The following RALGPS2 variants were observed in gnomAD, a reference collection of about 807,000 sequenced individuals.
RALGPS2 encodes Ral GEF with PH domain and SH3 binding motif 2.
In RALGPS2, 43 loss-of-function variants were observed where a neutral mutation model predicts 86.8. The observed-to-expected ratio is 0.50, with a 90% CI of 0.39 to 0.64. RALGPS2 has a LOEUF of 0.64. Ranked by LOEUF, RALGPS2 falls within the 30% of genes least tolerant of loss-of-function variation. RALGPS2 has a pLI of 0.00. For missense variants in RALGPS2, 536 were observed against 694.6 expected (o/e 0.77, Z 2.57); for synonymous variants, 243 against 231.3 (o/e 1.05, Z -0.46).
At chr1:178,799,793 C>T (rs80190189) in intron 4 of RALGPS2, among the ~76,000 whole-genome samples, 1 of 151,976 alleles carries the variant, frequency 6.6e-6, no homozygotes, top group East Asian at 1.9e-4. Context: ...TATATAAGAA[C>T]CCTTATATAG....
chr1:178,745,822 C>CTT (rs34277622), intron 1 of RALGPS2, among the ~76,000 whole-genome samples: 887 of 85,764 alleles, frequency 0.01, 1 homozygote, highest in Non-Finnish European at 0.013. Flanking sequence ...TTCAATTCTT[C>CTT]TTTTTTTTTT....
At chr1:178,731,432 G>A (rs112604831) in intron 1 of RALGPS2, among the ~76,000 whole-genome samples, 2,958 of 151,612 alleles carry the variant, frequency 0.02, 86 homozygotes, top group African/African-American at 0.067. Flanking sequence ...ACAAGCATGC[G>A]CCACCACACC....
chr1:178,809,348 C>T (rs1654874133), intron 5 of RALGPS2, among the ~76,000 whole-genome samples: 1 of 151,348 alleles, frequency 6.6e-6, no homozygotes, highest in Non-Finnish European at 1.5e-5. Flanking sequence ...GGTGTGAGGC[C>T]TTGTATTATG....
chr1:178,839,788 T>C (rs897626445), intron 8 of RALGPS2, among the ~76,000 whole-genome samples: 2 of 152,100 alleles, frequency 1.3e-5, no homozygotes, highest in African/African-American at 4.8e-5. Context: ...GGGACACACA[T>C]AGGCTCAAAA....
At chr1:178,795,518 T>A (rs1375742147) in intron 4 of RALGPS2, among the ~76,000 whole-genome samples, 4 of 152,068 alleles carry the variant, frequency 2.6e-5, no homozygotes, top group Admixed American at 6.6e-5. Flanking sequence ...GTTCAAGTGG[T>A]TCTTCTGCCT....
chr1:178,805,180 C>A (rs1268141057), intron 4 of RALGPS2, among the ~76,000 whole-genome samples: 10 of 147,902 alleles, frequency 6.8e-5, no homozygotes, highest in Admixed American at 1.3e-4. Context: ...GGATATTAGC[C>A]CTTTGTCAGA....
chr1:178,776,883 TTA>T, intron 2 of RALGPS2, 62 bp downstream of exon 2: 2 of 1,364,138 alleles, frequency 1.5e-6, no homozygotes, highest in East Asian at 2.4e-5. Flanking sequence ...TTTTCAAGCA[TTA>T]TGTTTGTTCA....
chr1:178,839,893 C>A (rs1272040706), intron 8 of RALGPS2, among the ~76,000 whole-genome samples: 1 of 152,100 alleles, frequency 6.6e-6, no homozygotes, highest in Non-Finnish European at 1.5e-5. Context: ...CAACAAAGAT[C>A]AAAAGAGACA....
At chr1:178,806,934 A>C (rs890404515) in intron 4 of RALGPS2, among the ~76,000 whole-genome samples, 1 of 152,198 alleles carries the variant, frequency 6.6e-6, no homozygotes, top group Non-Finnish European at 1.5e-5. Flanking sequence ...TTAAAAGGAA[A>C]TCAGTTCTAT....
At chr1:178,767,358 CTTTTTTTT>C (rs1159630163) in intron 1 of RALGPS2, among the ~76,000 whole-genome samples, 1 of 70,432 alleles carries the variant, frequency 1.4e-5, no homozygotes, top group Non-Finnish European at 2.5e-5. Context: ...TGTCCTTTGG[CTTTTTTTT>C]TTTTTTTTTT....
intron 1 of RALGPS2, among the ~76,000 whole-genome samples, chr1:178,770,106 T>G (rs932559102): frequency 1.4e-5 from 2 of 146,236 alleles, no homozygotes; most frequent in African/African-American, 5.0e-5. Context: ...AGCCTCAGCC[T>G]CCCAGGCTCA....
intron 7 of RALGPS2, among the ~76,000 whole-genome samples, chr1:178,822,991 TA>T (rs1482596016): frequency 4.6e-5 from 7 of 152,172 alleles, no homozygotes; most frequent in Non-Finnish European, 1.5e-5. Flanking sequence ...ACTAATTTTT[TA>T]AAAAGTTTTT....
chr1:178,802,714 A>C (rs1180353604), intron 4 of RALGPS2, among the ~76,000 whole-genome samples: 1 of 152,104 alleles, frequency 6.6e-6, no homozygotes, highest in Non-Finnish European at 1.5e-5. Context: ...TTGCACCTTT[A>C]TGTTTGTTAC....
At chr1:178,821,272 T>C (rs867734167) in intron 6 of RALGPS2, among the ~76,000 whole-genome samples, 10 of 152,166 alleles carry the variant, frequency 6.6e-5, no homozygotes, top group South Asian at 2.1e-4. Flanking sequence ...TTAGTAATAG[T>C]TCAGTATAAG....
At chr1:178,865,265 C>G (rs752868417) in intron 8 of RALGPS2, 1 of 1,613,978 alleles carries the variant, frequency 6.2e-7, no homozygotes, top group Non-Finnish European at 8.5e-7. Flanking sequence ...TTCCCTGTAT[C>G]TTGTTGCCAT....
chr1:178,824,652 C>A (rs1203299248), intron 7 of RALGPS2, among the ~76,000 whole-genome samples: 3 of 151,834 alleles, frequency 2.0e-5, no homozygotes, highest in Admixed American at 6.6e-5. Flanking sequence ...ACTAAAAATA[C>A]AAAAAAATTA....
At chr1:178,897,926 G>A (rs1322601389) in intron 17 of RALGPS2, among the ~76,000 whole-genome samples, 170 bp downstream of exon 17, 1 of 151,806 alleles carries the variant, frequency 6.6e-6, no homozygotes, top group Non-Finnish European at 1.5e-5. Flanking sequence ...TTTTTCCATT[G>A]CAAATGTCAA....
At chr1:178,858,280 C>T (rs776003671) in intron 8 of RALGPS2, among the ~76,000 whole-genome samples, 2 of 152,078 alleles carry the variant, frequency 1.3e-5, no homozygotes, top group African/African-American at 2.4e-5. Flanking sequence ...ATCTTATTTA[C>T]TTTCTGCCCT....
chr1:178,878,284 A>G (rs1200699287), intron 9 of RALGPS2, among the ~76,000 whole-genome samples: 1 of 152,148 alleles, frequency 6.6e-6, no homozygotes, highest in Non-Finnish European at 1.5e-5. Flanking sequence ...CTGTTAATAC[A>G]TAATTTTTAT....
Sources: allele counts gnomAD v4.1 joint callset (sites outside exome capture counted in the v4.1 genomes callset), GRCh38; gene constraint gnomAD v4.1.1; transcripts MANE v1.5; gene names NCBI Gene and HGNC (gene_info 2026-07-23, HGNC 2026-07-21).